The following TRAPPC3L variants were observed in gnomAD, a reference collection of about 807,000 sequenced individuals.
The protein encoded by TRAPPC3L is trafficking protein particle complex subunit 3-like protein.
A neutral mutation model predicts 23.7 loss-of-function variants in TRAPPC3L; 23 were observed. The observed-to-expected ratio is 0.97, with a 90% CI of 0.70 to 1.37. TRAPPC3L has a LOEUF of 1.37. TRAPPC3L is among the 40% of genes most tolerant of loss of function. The pLI, the probability that TRAPPC3L is intolerant of heterozygous loss-of-function variation, is 0.00. For missense variants in TRAPPC3L, 212 were observed against 216.8 expected (o/e 0.98, Z 0.14); for synonymous variants, 81 against 77.9 (o/e 1.04, Z -0.21).
intron 3 of TRAPPC3L, among the ~76,000 whole-genome samples, chr6:116,514,304 A>C (rs1272395998): frequency 2.0e-5 from 3 of 152,176 alleles, no homozygotes; most frequent in Non-Finnish European, 2.9e-5. Flanking sequence ...CTGTGGAAAA[A>C]GAGGAAGACA....
chr6:116,497,227 C>T (rs762124355), intron 4 of TRAPPC3L, 154 bp from the exon 5 acceptor site: 15 of 893,338 alleles, frequency 1.7e-5, no homozygotes, highest in Admixed American at 9.7e-5. Flanking sequence ...GAGTGTCCTC[C>T]GGAGATGGTC....
At chr6:116,506,784 C>T (rs766365961) in intron 3 of TRAPPC3L, among the ~76,000 whole-genome samples, 6 of 152,108 alleles carry the variant, frequency 3.9e-5, no homozygotes, top group Non-Finnish European at 7.4e-5. Context: ...AAACACTGTA[C>T]GTTCTCACTC....
chr6:116,538,435 A>G (rs1430031065), intron 3 of TRAPPC3L, among the ~76,000 whole-genome samples: 3 of 152,194 alleles, frequency 2.0e-5, no homozygotes, highest in African/African-American at 7.2e-5. Flanking sequence ...TTTTCAACAG[A>G]TATTTTTTGT....
At chr6:116,540,328 T>C (rs746027868) in intron 3 of TRAPPC3L, 35 bp downstream of exon 3, 1 of 1,538,562 alleles carries the variant, frequency 6.5e-7, no homozygotes, top group South Asian at 1.2e-5. Context: ...CAGAGATTTT[T>C]CAAAACATAT....
chr6:116,524,868 T>C (rs1772416523), intron 3 of TRAPPC3L: 1 of 152,214 alleles, frequency 6.6e-6, no homozygotes, highest in Admixed American at 6.5e-5. Flanking sequence ...CCTATATTCC[T>C]ATTGGAATTT....
chr6:116,524,778 A>G (rs1392255894), intron 3 of TRAPPC3L: 1 of 152,224 alleles, frequency 6.6e-6, no homozygotes, highest in Non-Finnish European at 1.5e-5. Flanking sequence ...AAAAAGTTGG[A>G]AAATTTTCAA....
chr6:116,527,250 G>A (rs1772456992), intron 3 of TRAPPC3L, among the ~76,000 whole-genome samples: 1 of 151,984 alleles, frequency 6.6e-6, no homozygotes, highest in Admixed American at 6.5e-5. Flanking sequence ...CGGCGCGGTG[G>A]CTCACGCCTG....
Position 116,499,995 on chromosome 6 carries a change from G to A in TRAPPC3L, c.426+486C>T, listed in dbSNP as rs527711253. ...GCCTCCACAATGGTCAATGATCCCT[G>A]CCTCCTGTTATTCACACCCTCAGGT... On this transcript the variant is annotated intron_variant, in intron 4 of 4. Transcript: ENST00000368602. Among the ~76,000 whole-genome samples the A allele has an allele frequency of 4.6e-5, 7 of 152,294 alleles. No individual in the cohort carries two copies. The South Asian group carries it at 1.4e-3, about 32-fold the overall frequency.
Position 116,496,606 on chromosome 6 carries a change from A to G in TRAPPC3L, c.*348T>C. Reference sequence around the variant, plus strand: ...TTCTTTTTTTTTCAGCAAAGAGACAAATACACAACTGTTTGTATTTGTGCT... The same window carrying G: ...TTCTTTTTTTTTCAGCAAAGAGACAGATACACAACTGTTTGTATTTGTGCT... On this transcript the variant is annotated 3_prime_UTR_variant, in exon 5 of 5. Transcript: ENST00000368602. 5.4e-6 allele frequency: 1 copy of G among 183,584 alleles called. No individual in the cohort carries two copies. The highest frequency in any genetic ancestry group is 1.1e-5 in the Non-Finnish European group (1 of 90,030). 11.4% of individuals were successfully genotyped at this position (183,584 alleles called of 1,614,324 possible).
rs900740610 is a variant in TRAPPC3L at position 116,500,643 on chromosome 6, TC to T, written c.263del (p.Gly88GlufsTer6). On this transcript the variant is annotated frameshift_variant, in exon 4 of 5. Transcript: ENST00000368602. LOFTEE classifies it high-confidence loss of function. ...TGTTACAGGTCACACTTGGTGTAAT[TC>T]CCAGGTACATCTTGAAAGCAACCTG... The part of the protein sequence containing the change: ...IAQVAFKMYL[G>X]ITPSVTCNNS... The T allele has an allele frequency of 2.5e-5, 39 of 1,551,318 alleles. 1 individual carries two copies. The highest frequency in any genetic ancestry group is 3.1e-5 in the Non-Finnish European group (35 of 1,146,956).
chr6:116,529,541 C>A (rs1290849500), intron 3 of TRAPPC3L, among the ~76,000 whole-genome samples: 1 of 152,156 alleles, frequency 6.6e-6, no homozygotes, highest in Admixed American at 6.5e-5. Context: ...TAGATTGGAG[C>A]TGAGTGGAAG....
chr6:116,530,745 A>G (rs1233427426), intron 3 of TRAPPC3L, among the ~76,000 whole-genome samples: 2 of 151,818 alleles, frequency 1.3e-5, no homozygotes, highest in Non-Finnish European at 2.9e-5. Context: ...TAACAAAGAC[A>G]GTTTTGTCTA....
At chr6:116,509,731 A>C (rs1040709108) in intron 3 of TRAPPC3L, among the ~76,000 whole-genome samples, 1 of 152,200 alleles carries the variant, frequency 6.6e-6, no homozygotes, top group African/African-American at 2.4e-5. Context: ...TTCTAGAAGA[A>C]AACGTAATAA....
At chr6:116,541,067 T>C (rs1773418138) in intron 2 of TRAPPC3L, among the ~76,000 whole-genome samples, 1 of 152,044 alleles carries the variant, frequency 6.6e-6, no homozygotes, top group Admixed American at 6.6e-5. Flanking sequence ...AACTATGGGA[T>C]TGGGGGAAGG....
intron 4 of TRAPPC3L, among the ~76,000 whole-genome samples, chr6:116,499,645 T>C (rs1771883481): frequency 6.6e-6 from 1 of 152,212 alleles, no homozygotes; most frequent in South Asian, 2.1e-4. Flanking sequence ...TGAAACACTC[T>C]TTTTGTACCT....
chr6:116,538,624 C>T (rs1458076670), intron 3 of TRAPPC3L, among the ~76,000 whole-genome samples: 2 of 152,116 alleles, frequency 1.3e-5, no homozygotes, highest in Non-Finnish European at 2.9e-5. Flanking sequence ...AATAAACAAC[C>T]TTAAATACAG....
intron 3 of TRAPPC3L, chr6:116,511,635 C>A: frequency 1.3e-6 from 2 of 1,503,498 alleles, no homozygotes; most frequent in Non-Finnish European, 1.8e-6. Flanking sequence ...CACCCTCGGC[C>A]ACTGCCACAG....
intron 4 of TRAPPC3L, among the ~76,000 whole-genome samples, chr6:116,499,734 T>C (rs1324327474): frequency 3.3e-5 from 5 of 152,218 alleles, no homozygotes; most frequent in Non-Finnish European, 5.9e-5. Flanking sequence ...TAACTCCTAT[T>C]TTTCCTTCAA....
At chr6:116,524,962 G>A (rs1274800432) in intron 3 of TRAPPC3L, among the ~76,000 whole-genome samples, 1 of 152,126 alleles carries the variant, frequency 6.6e-6, no homozygotes, top group African/African-American at 2.4e-5. Context: ...TGGGAGGCAG[G>A]TATTACCTTT....
Sources: allele counts gnomAD v4.1 joint callset (sites outside exome capture counted in the v4.1 genomes callset), GRCh38; gene constraint gnomAD v4.1.1; transcripts MANE v1.5; gene names NCBI Gene and HGNC (gene_info 2026-07-23, HGNC 2026-07-21).